STARD13: variants seen among roughly 807,000 people sequenced by gnomAD.
STARD13 encodes the protein StAR related lipid transfer domain containing 13.
Under a neutral mutation model 106.4 loss-of-function variants are expected in STARD13, and 62 were observed. That is an observed-to-expected ratio of 0.58 (90% CI 0.48 to 0.72). The LOEUF (loss-of-function observed/expected upper bound fraction) is 0.72, where lower values mean the gene tolerates loss of function less well. Ranked by LOEUF, STARD13 falls within the 30% of genes least tolerant of loss-of-function variation. The probability of loss-of-function intolerance (pLI) is 0.00; values close to 1 mark genes in which losing one functional copy is unlikely to be tolerated. For synonymous variants in STARD13, 565 were observed against 553.0 expected (o/e 1.02, Z -0.31); for missense variants, 1,387 against 1,424.0 (o/e 0.97, Z 0.42).
chr13:33,651,374 G>A, the STARD13 span, among the ~76,000 whole-genome samples: 2 of 152,110 alleles, frequency 1.3e-5, no homozygotes, highest in Non-Finnish European at 2.9e-5. Context: ...TATCACTTTC[G>A]AAGTATTACA....
At chr13:33,258,966 G>A (rs193014730) in intron 1 of STARD13, among the ~76,000 whole-genome samples, 2 of 152,340 alleles carry the variant, frequency 1.3e-5, no homozygotes, top group Non-Finnish European at 2.9e-5. Context: ...TTGCTGGGCT[G>A]TCTCTTTCAA....
intron 3 of STARD13, among the ~76,000 whole-genome samples, chr13:33,154,640 G>C (rs772200513): frequency 1.3e-5 from 2 of 152,100 alleles, no homozygotes; most frequent in African/African-American, 4.8e-5. Flanking sequence ...AAAAAGTCCA[G>C]GTTTTCTTGG....
At chr13:33,233,343 T>C (rs1889020919) in intron 1 of STARD13, among the ~76,000 whole-genome samples, 3 of 152,196 alleles carry the variant, frequency 2.0e-5, no homozygotes, top group Admixed American at 2.0e-4. Flanking sequence ...TTAACCTTTT[T>C]TGCATACTCA....
the STARD13 span, among the ~76,000 whole-genome samples, chr13:33,565,793 C>G: frequency 1.3e-5 from 2 of 148,442 alleles, no homozygotes; most frequent in African/African-American, 4.9e-5. Flanking sequence ...CATATCCTGG[C>G]TATTCTCTTC....
At chr13:33,311,008 A>C (rs527456508) in intron 1 of STARD13, among the ~76,000 whole-genome samples, 1 of 152,150 alleles carries the variant, frequency 6.6e-6, no homozygotes, top group South Asian at 2.1e-4. Flanking sequence ...ATACAGTATA[A>C]AAGATAGGCT....
chr13:33,636,919 G>T, the STARD13 span, among the ~76,000 whole-genome samples: 48 of 152,220 alleles, frequency 3.2e-4, no homozygotes, highest in Non-Finnish European at 5.9e-4. Context: ...ATCTCCTGGA[G>T]TATTATTATG....
chr13:33,163,905 T>A (rs1195279451), intron 3 of STARD13, among the ~76,000 whole-genome samples: 2 of 151,798 alleles, frequency 1.3e-5, no homozygotes, highest in Admixed American at 6.6e-5. Flanking sequence ...CAGGACGAAG[T>A]GCTGGCTACA....
the STARD13 span, among the ~76,000 whole-genome samples, chr13:33,456,891 CA>C: frequency 2.6e-5 from 4 of 152,214 alleles, no homozygotes; most frequent in African/African-American, 9.6e-5. Flanking sequence ...TAACAGGCTA[CA>C]ATGACACAGT....
intron 1 of STARD13, among the ~76,000 whole-genome samples, chr13:33,314,165 C>T (rs1292865462): frequency 6.6e-6 from 1 of 152,090 alleles, no homozygotes; most frequent in Non-Finnish European, 1.5e-5. Flanking sequence ...AGAGACCCCT[C>T]TCCAAGGAAT....
chr13:33,507,872 T>G, the STARD13 span, among the ~76,000 whole-genome samples: 2 of 152,022 alleles, frequency 1.3e-5, no homozygotes, highest in African/African-American at 4.8e-5. Flanking sequence ...CATCACAAAA[T>G]CTTCATCCTC....
rs1214665162 is a variant in STARD13, at chr13:33,247,352, T to C, written c.169+38118A>G. On this transcript the variant is annotated intron_variant, in intron 1 of 13. Coordinates refer to ENST00000336934, the MANE Select transcript of STARD13 (RefSeq NM_178006.4). ...AGGGACACTCTGAGTGGGGACTTAG[T>C]ACTCAATTCAGCAGGCGATGGGGGC... Among the ~76,000 whole-genome samples, 7 of 152,026 alleles carry C rather than the reference T, an allele frequency of 4.6e-5. No individual in the cohort carries two copies. In the South Asian group the frequency reaches 1.0e-3, roughly 23 times the overall value.
chr13:33,253,426 C>T (rs1267286351), intron 1 of STARD13, among the ~76,000 whole-genome samples: 1 of 152,208 alleles, frequency 6.6e-6, no homozygotes. Flanking sequence ...CATGCTTCAT[C>T]CAGGAAAAAC....
intron 1 of STARD13, among the ~76,000 whole-genome samples, chr13:33,252,994 G>A (rs1017763002): frequency 3.3e-5 from 5 of 152,042 alleles, no homozygotes; most frequent in Admixed American, 1.3e-4. Context: ...GTCATTTTCC[G>A]TTTTTTGGAT....
rs1046524513 is a variant in STARD13, at chr13:33,336,321, T to C, written c.124+13969A>G. The C allele has an allele frequency of 4.1e-4, 63 of 152,350 alleles. 1 individual carries two copies. Among genetic ancestry groups the C allele is most frequent in the African/African-American group, 1.5e-3 (62 of 41,590 alleles). 9.4% of individuals were successfully genotyped at this position (152,350 alleles called of 1,614,324 possible). On this transcript the variant is annotated intron_variant, in intron 1 of 5. Transcript: ENST00000567873. ...GCTGCTTACACATCTTATACTTCCC[T>C]ATGTTCAGATTAGACACACAAAACA...
At chr13:33,316,479 AG>A (rs1893344136) in intron 1 of STARD13, among the ~76,000 whole-genome samples, 1 of 152,224 alleles carries the variant, frequency 6.6e-6, no homozygotes, top group South Asian at 2.1e-4. Flanking sequence ...AAGCTGTCCC[AG>A]GATAGGTTAT....
the STARD13 span, among the ~76,000 whole-genome samples, chr13:33,584,437 A>G: frequency 2.0e-5 from 3 of 151,902 alleles, no homozygotes; most frequent in African/African-American, 7.3e-5. Flanking sequence ...TTCACTCCCT[A>G]TCATGAGGAC....
the STARD13 span, among the ~76,000 whole-genome samples, chr13:33,568,265 T>C: frequency 6.8e-6 from 1 of 147,786 alleles, no homozygotes; most frequent in Non-Finnish European, 1.5e-5. Context: ...CTGCTTGGAC[T>C]TGTGGAGAGG....
the STARD13 span, among the ~76,000 whole-genome samples, chr13:33,429,035 G>C: frequency 6.6e-6 from 1 of 152,126 alleles, no homozygotes; most frequent in African/African-American, 2.4e-5. Flanking sequence ...AAATGCTGGC[G>C]TGAATGTGGA....
chr13:33,548,085 C>G, the STARD13 span, among the ~76,000 whole-genome samples: 2 of 152,078 alleles, frequency 1.3e-5, no homozygotes, highest in African/African-American at 4.8e-5. Context: ...TTCATCCCTG[C>G]TTTCTTTTAC....
Sources: gnomAD v4.1 joint callset for allele counts (sites outside exome capture counted in the v4.1 genomes callset) on GRCh38, gnomAD v4.1.1 for gene constraint, MANE v1.5 for transcripts, NCBI Gene and HGNC (gene_info 2026-07-23, HGNC 2026-07-21) for gene names.